The following SF3B3 variants were observed in gnomAD, a reference collection of about 807,000 sequenced individuals.
SF3B3 encodes the protein SAP 130.
SF3B3 carries 33 observed loss-of-function variants against 139.2 expected under a neutral mutation model. The ratio of observed to expected loss-of-function variants is 0.24; its 90% CI spans 0.18 to 0.32. SF3B3 has a LOEUF of 0.32. Ranked by LOEUF, SF3B3 falls within the 10% of genes least tolerant of loss-of-function variation. The pLI, the probability that SF3B3 is intolerant of heterozygous loss-of-function variation, is 1.00. For synonymous variants in SF3B3, 596 were observed against 563.6 expected, an observed-to-expected ratio of 1.06 and a Z score of -0.81; for missense variants, 818 against 1,509.4, an observed-to-expected ratio of 0.54 and a Z score of 7.59.
At chr16:70,565,721 T>C (rs1444410099) in intron 20 of SF3B3, 197 bp downstream of exon 20, 1 of 572,728 alleles carries the variant, frequency 1.7e-6, no homozygotes, top group Non-Finnish European at 3.1e-6. Context: ...GGCTTTGTGC[T>C]AACCATCCAT....
intron 10 of SF3B3, among the ~76,000 whole-genome samples, chr16:70,547,340 A>G (rs982859229): frequency 6.6e-6 from 1 of 152,232 alleles, no homozygotes; most frequent in African/African-American, 2.4e-5. Context: ...AGATCATTTA[A>G]AAACATTCAA....
intron 4 of SF3B3, among the ~76,000 whole-genome samples, chr16:70,532,146 G>A (rs2050126964): frequency 6.6e-6 from 1 of 152,086 alleles, no homozygotes; most frequent in African/African-American, 2.4e-5. Context: ...TACAAAATTA[G>A]CCAGGCGTGG....
At chr16:70,567,597 G>C (rs146895576) in intron 21 of SF3B3, 61 bp downstream of exon 21, 2 of 1,548,430 alleles carry the variant, frequency 1.3e-6, no homozygotes, top group Non-Finnish European at 1.7e-6. Flanking sequence ...GGGCATTGGT[G>C]GGGTGGTGGG....
At chr16:70,526,216 T>A (rs1429340848) in intron 1 of SF3B3, among the ~76,000 whole-genome samples, 1 of 151,114 alleles carries the variant, frequency 6.6e-6, no homozygotes, top group Non-Finnish European at 1.5e-5. Flanking sequence ...ATTTATTTAT[T>A]TTTTTTTTTG....
Position 70,535,297 on chromosome 16 carries a change from T to G in SF3B3, c.713-11T>G, listed in dbSNP as rs1301071067. ...GTCAAAGTCACTGCTAAGTTTTATT[T>G]TCTCTCACAGTTCCAGGAGGGTCAG... On this transcript the variant is annotated splice_polypyrimidine_tract_variant and intron_variant, in intron 5 of 25. Transcript: ENST00000302516. The G allele has an allele frequency of 9.7e-6, 14 of 1,441,760 alleles. No individual in the cohort carries two copies. The highest frequency in any genetic ancestry group is 1.3e-5 in the Non-Finnish European group (14 of 1,050,408). The allele number at this position is 1,441,760 out of a possible 1,614,324, so 89.3% of individuals were successfully genotyped here. A position where few individuals can be genotyped will look rare whatever the true frequency, so the allele number is the denominator to read the frequency against.
Position 70,556,121 on chromosome 16 carries a change from G to C in SF3B3, c.1711-58G>C. On this transcript the variant is annotated intron_variant, in intron 13 of 25. Coordinates refer to ENST00000302516, the MANE Select transcript of SF3B3 (RefSeq NM_012426.5). Reference sequence around the variant, plus strand: ...TGGATCCAGGGTTTTGGGGTGAATTGGAGCATCTAGACCCATCCCTCTGTA... The same window carrying C: ...TGGATCCAGGGTTTTGGGGTGAATTCGAGCATCTAGACCCATCCCTCTGTA... The C allele has an allele frequency of 7.7e-6, 12 of 1,566,376 alleles. No individual in the cohort carries two copies. The South Asian group carries it at 1.2e-4, about 16-fold the overall frequency.
intron 11 of SF3B3, among the ~76,000 whole-genome samples, chr16:70,548,822 A>G (rs1021108246): frequency 1.3e-5 from 2 of 152,196 alleles, no homozygotes; most frequent in African/African-American, 4.8e-5. Context: ...TTGTTTTGAA[A>G]CCACAGTGAA....
At chr16:70,548,303 T>C in intron 10 of SF3B3, 67 bp from the exon 11 acceptor site, 1 of 1,278,194 alleles carries the variant, frequency 7.8e-7, no homozygotes. Flanking sequence ...TATTTTTTGA[T>C]GTGATTGTAA....
intron 6 of SF3B3, 28 bp downstream of exon 6, chr16:70,535,448 G>T (rs1241006645): frequency 7.5e-7 from 1 of 1,326,900 alleles, no homozygotes; most frequent in Admixed American, 1.9e-5. Flanking sequence ...AGAAGAGAGA[G>T]ATTTGTGTTT....
chr16:70,541,611 C>T, intron 8 of SF3B3, 58 bp from the exon 9 acceptor site: 1 of 1,392,746 alleles, frequency 7.2e-7, no homozygotes, highest in Non-Finnish European at 1.0e-6. Context: ...TGATGCCAGA[C>T]ATTATCGTCA....
intron 12 of SF3B3, 134 bp downstream of exon 12, chr16:70,554,731 G>A (rs1373421536): frequency 1.1e-6 from 1 of 872,658 alleles, no homozygotes. Context: ...CATATGATTT[G>A]GGCACATAAT....
chr16:70,564,249 G>A (rs760295525), intron 18 of SF3B3, among the ~76,000 whole-genome samples, 199 bp downstream of exon 18: 13 of 152,044 alleles, frequency 8.6e-5, no homozygotes, highest in Admixed American at 2.0e-4. Context: ...GTGCACTCCT[G>A]TAGTCCCAGC....
At chr16:70,571,639 C>T in intron 25 of SF3B3, 34 bp from the exon 26 acceptor site, 5 of 1,588,256 alleles carry the variant, frequency 3.1e-6, no homozygotes, top group Non-Finnish European at 2.6e-6. Context: ...GGCATCTCAC[C>T]ATTTTTTTTC....
At chr16:70,556,769 GGTTTTTTCTGTGCATAAGGAA>G (rs1323258083) in intron 14 of SF3B3, 96 bp from the exon 15 acceptor site, 1 of 1,118,964 alleles carries the variant, frequency 8.9e-7, no homozygotes, top group Non-Finnish European at 1.3e-6. Context: ...TCACTCCCCG[GGTTTTTTCTGTGCATAAGGAA>G]GTACTTTTTC....
At chr16:70,571,531 C>G (rs1250335760) in intron 25 of SF3B3, 142 bp from the exon 26 acceptor site, 3 of 889,808 alleles carry the variant, frequency 3.4e-6, no homozygotes, top group East Asian at 5.3e-5. Flanking sequence ...TCCCACTGCA[C>G]TGCAACCCGG....
chr16:70,550,733 G>T, intron 11 of SF3B3: 1 of 906,112 alleles, frequency 1.1e-6, no homozygotes, highest in Non-Finnish European at 1.3e-6. Flanking sequence ...TCCAAGGAGA[G>T]GGACCTGCAC....
chr16:70,525,671 T>C (rs1372270226), intron 1 of SF3B3, among the ~76,000 whole-genome samples: 1 of 152,028 alleles, frequency 6.6e-6, no homozygotes, highest in Non-Finnish European at 1.5e-5. Context: ...GTTAAACATA[T>C]ACCTTAGTCT....
chr16:70,571,206 TGGG>T lies in SF3B3; in HGVS notation c.3513+10_3513+12del. On this transcript the variant is annotated splice_region_variant and intron_variant, in intron 25 of 25. Coordinates refer to ENST00000302516, the MANE Select transcript of SF3B3 (RefSeq NM_012426.5). ...CTACTACTTCCCTGTGAAGGTAGGTTGGGGGAATCTGAGCTGAAAAGGGAGATC... is the reference window on the plus strand; with the variant it reads ...CTACTACTTCCCTGTGAAGGTAGGTTGGAATCTGAGCTGAAAAGGGAGATC... 6.3e-7 allele frequency: 1 copy of T among 1,578,932 alleles called. No homozygotes were observed. The highest frequency in any genetic ancestry group is 2.2e-5 in the East Asian group (1 of 44,708).
At chr16:70,526,811 A>G (rs2050068941) in intron 2 of SF3B3, 85 bp downstream of exon 2, 4 of 950,326 alleles carry the variant, frequency 4.2e-6, no homozygotes, top group Non-Finnish European at 6.7e-6. Context: ...AATGTTTTCC[A>G]TTTATGACAA....
Sources: allele counts gnomAD v4.1 joint callset (sites outside exome capture counted in the v4.1 genomes callset), GRCh38; gene constraint gnomAD v4.1.1; transcripts MANE v1.5; gene names NCBI Gene and HGNC (gene_info 2026-07-23, HGNC 2026-07-21).